ROBO2: variants seen among roughly 807,000 people sequenced by gnomAD.
ROBO2 encodes roundabout guidance receptor 2.
Under a neutral mutation model 160.8 loss-of-function variants are expected in ROBO2, and 53 were observed. The ratio of observed to expected loss-of-function variants is 0.33; its 90% CI spans 0.26 to 0.41. The LOEUF (loss-of-function observed/expected upper bound fraction) is 0.41. Among genes scored for constraint, ROBO2 ranks in the 10% least tolerant of loss-of-function variants. The probability of loss-of-function intolerance (pLI) is 1.00; values close to 1 mark genes in which losing one functional copy is unlikely to be tolerated. For synonymous variants in ROBO2, 664 were observed against 611.7 expected, an observed-to-expected ratio of 1.09 and a Z score of -1.26; for missense variants, 1,577 against 1,722.4, an observed-to-expected ratio of 0.92 and a Z score of 1.49.
chr3:76,148,522 T>C (rs974719860), intron 2 of ROBO2, among the ~76,000 whole-genome samples: 3 of 152,134 alleles, frequency 2.0e-5, no homozygotes, highest in African/African-American at 7.2e-5. Flanking sequence ...TATAGCAAAA[T>C]TTATCCCAAA....
At chr3:77,580,264 G>A in intron 16 of ROBO2, 146 bp downstream of exon 17, 1 of 794,832 alleles carries the variant, frequency 1.3e-6, no homozygotes, top group African/African-American at 1.7e-5. Context: ...TAACTGACTA[G>A]AGTTTTTTAC....
chr3:77,602,525 T>G (rs2094448961), intron 20 of ROBO2, 34 bp downstream of exon 21: 3 of 1,609,822 alleles, frequency 1.9e-6, no homozygotes, highest in Middle Eastern at 1.6e-4. Context: ...AGGAGGTATT[T>G]TCATATCATT....
In ROBO2 at chr3:76,903,633, A is replaced by G. The variant is rs117540089; in HGVS notation, c.110-194381A>G. Reference sequence around the variant, plus strand: ...CTCACAAACTTCCCTTCAATCTCCTAGATTTGCCAAGCTCCAAGGGCAAAT... The same window carrying G: ...CTCACAAACTTCCCTTCAATCTCCTGGATTTGCCAAGCTCCAAGGGCAAAT... On this transcript the variant is annotated intron_variant, in intron 2 of 26. Transcript: ENST00000487694. Among the ~76,000 whole-genome samples the G allele has an allele frequency of 0.01, 1,583 of 152,212 alleles. 50 individuals carry two copies. In the East Asian group the frequency reaches 0.13, roughly 12 times the overall value.
chr3:76,706,226 A>G (rs994226695), intron 2 of ROBO2, among the ~76,000 whole-genome samples: 2 of 152,136 alleles, frequency 1.3e-5, no homozygotes, highest in African/African-American at 4.8e-5. Flanking sequence ...CAACTTGAAT[A>G]TGGGAATACA....
intron 2 of ROBO2, among the ~76,000 whole-genome samples, chr3:77,001,919 C>G (rs1416300969): frequency 6.6e-6 from 1 of 152,022 alleles, no homozygotes; most frequent in Non-Finnish European, 1.5e-5. Context: ...CCTCACTATT[C>G]ACTGATTTTC....
chr3:75,943,802 A>G (rs1948159408), intron 2 of ROBO2, among the ~76,000 whole-genome samples: 1 of 151,942 alleles, frequency 6.6e-6, no homozygotes, highest in South Asian at 2.1e-4. Flanking sequence ...CCCGGGCTCA[A>G]TGGTTCTCCT....
chr3:76,877,006 G>A (rs2072807511), intron 2 of ROBO2, among the ~76,000 whole-genome samples: 1 of 145,070 alleles, frequency 6.9e-6, no homozygotes, highest in Admixed American at 6.8e-5. Flanking sequence ...ATCTACATAT[G>A]CATATATATA....
chr3:76,398,527 G>C (rs192924289), intron 2 of ROBO2, among the ~76,000 whole-genome samples: 1 of 151,472 alleles, frequency 6.6e-6, no homozygotes, highest in Non-Finnish European at 1.5e-5. Context: ...TATTAGTTAC[G>C]ATCTTCCCCT....
At chr3:75,919,654 T>C (rs571934051) in intron 1 of ROBO2, among the ~76,000 whole-genome samples, 107 of 152,320 alleles carry the variant, frequency 7.0e-4, no homozygotes, top group African/African-American at 2.3e-3. Context: ...TGGCTGTGAA[T>C]ACATCTGGTC....
chr3:76,364,108 A>G (rs185241140), intron 2 of ROBO2, among the ~76,000 whole-genome samples: 109 of 152,178 alleles, frequency 7.2e-4, no homozygotes, highest in African/African-American at 2.6e-3. Flanking sequence ...TGTTCCAGCT[A>G]TGCCAGCTTT....
At chr3:76,933,803 G>A (rs2077505874) in intron 2 of ROBO2, among the ~76,000 whole-genome samples, 1 of 152,116 alleles carries the variant, frequency 6.6e-6, no homozygotes, top group Non-Finnish European at 1.5e-5. Context: ...GAGCTAACAT[G>A]AACTGTTACA....
At chr3:76,711,385 A>C (rs927883935) in intron 2 of ROBO2, among the ~76,000 whole-genome samples, 3 of 152,156 alleles carry the variant, frequency 2.0e-5, no homozygotes, top group Non-Finnish European at 2.9e-5. Flanking sequence ...CCCTCCCCTG[A>C]CACGTGGGGA....
chr3:77,578,744 T>C (rs2093833610), intron 15 of ROBO2, among the ~76,000 whole-genome samples: 1 of 152,092 alleles, frequency 6.6e-6, no homozygotes, highest in Non-Finnish European at 1.5e-5. Flanking sequence ...GACATTGTTT[T>C]AACAGAGTAA....
chr3:77,044,305 A>G (rs2064404192), intron 1 of ROBO2, among the ~76,000 whole-genome samples: 1 of 152,202 alleles, frequency 6.6e-6, no homozygotes, highest in Non-Finnish European at 1.5e-5. Context: ...ATACATAGCA[A>G]TGAAGGGAGC....
At position 76,342,317 on chromosome 3, in the gene ROBO2, G is replaced by A. The variant is rs1287984415; in HGVS notation, c.109+404715G>A. ...CCTCAGAGAAGACACGTGACTCTCAGGTGAGAGACATAGATCTTTGTTACT... is the reference window on the plus strand; with the variant it reads ...CCTCAGAGAAGACACGTGACTCTCAAGTGAGAGACATAGATCTTTGTTACT... On this transcript the variant is annotated intron_variant, in intron 2 of 26. Coordinates refer to the ROBO2 transcript ENST00000487694. Among the ~76,000 whole-genome samples the A allele has an allele frequency of 3.9e-5, 6 of 152,108 alleles. No homozygotes were observed. In the East Asian group the frequency reaches 1.2e-3, roughly 29 times the overall value.
chr3:76,080,585 T>C (rs2068792257), intron 2 of ROBO2, among the ~76,000 whole-genome samples: 1 of 152,198 alleles, frequency 6.6e-6, no homozygotes, highest in Non-Finnish European at 1.5e-5. Context: ...AGGAGTTGCT[T>C]ACAAAGAATT....
chr3:76,797,702 C>A, intron 2 of ROBO2, among the ~76,000 whole-genome samples: 1 of 150,908 alleles, frequency 6.6e-6, no homozygotes, highest in African/African-American at 2.4e-5. Flanking sequence ...AGAAAGAAGA[C>A]CCAAATAAAT....
intron 2 of ROBO2, among the ~76,000 whole-genome samples, chr3:76,312,227 T>C (rs2071640866): frequency 6.6e-6 from 1 of 152,208 alleles, no homozygotes; most frequent in Non-Finnish European, 1.5e-5. Context: ...GATTTTGCTT[T>C]GCAGAAGCAT....
rs535644780 is a variant in ROBO2, at chr3:76,976,444, A to G, written c.110-121570A>G. 4.6e-5 allele frequency among the ~76,000 whole-genome samples: 7 copies of G among 152,318 alleles called. No homozygotes were observed. In the South Asian group the frequency reaches 1.2e-3, roughly 27 times the overall value. On this transcript the variant is annotated intron_variant, in intron 2 of 26. Coordinates refer to the ROBO2 transcript ENST00000487694. ...AAATGGGAAGTTTTTTACAAACCGT[A>G]TTTGAATGGCACCGCAATGACCAGC...
Sources: allele counts gnomAD v4.1 joint callset (sites outside exome capture counted in the v4.1 genomes callset), GRCh38; gene constraint gnomAD v4.1.1; transcripts MANE v1.5; gene names NCBI Gene and HGNC (gene_info 2026-07-23, HGNC 2026-07-21).